Variants in EDA observed in about 807,000 individuals in gnomAD.
EDA encodes ectodysplasin A, also known as ectodysplasin-A.
In EDA, 2 loss-of-function variants were observed where a neutral mutation model predicts 23.6. The observed-to-expected ratio is 0.08, with a 90% CI of 0.03 to 0.27. The LOEUF (loss-of-function observed/expected upper bound fraction) is 0.27. EDA is among the 10% of genes least tolerant of loss of function. The pLI is 1.00. For missense variants in EDA, 229 were observed against 324.2 expected (o/e 0.71, Z 2.26); for synonymous variants, 131 against 132.0 (o/e 0.99, Z 0.05).
chrX:69,866,855 C>T (rs1451738438), intron 1 of EDA, among the ~76,000 whole-genome samples: 1 of 111,858 alleles, frequency 8.9e-6, no homozygotes, highest in African/African-American at 3.2e-5. Context: ...AAGTGAGTGC[C>T]TCGGTTAGAG....
chrX:69,882,318 G>A (rs1212388377), intron 1 of EDA, among the ~76,000 whole-genome samples: 1 of 111,675 alleles, frequency 9.0e-6, no homozygotes, highest in Non-Finnish European at 1.9e-5. Context: ...GCATGTAAGG[G>A]TTGATCAGTT....
Position 69,957,067 on chromosome X carries a change from A to G in EDA, c.437A>G (p.Tyr146Cys), listed in dbSNP as rs1482472157. 1 of 1,210,291 alleles carries G rather than the reference A, an allele frequency of 8.3e-7. No individual in the cohort carries two copies. The highest frequency in any genetic ancestry group is 1.7e-5 in the African/African-American group (1 of 57,379). The change falls in exon 2 of 8, where the codon TAC (tyrosine) becomes TGC (cysteine). Residue 146 changes from tyrosine (Y) to cysteine (C), a missense_variant. Physicochemically the swap from Tyr to Cys is radical, Grantham distance 194. Transcript: ENST00000374552. The stretch of plus-strand genomic sequence containing the variant: ...TTCTTCTTCCCTGATGAAAAGCCAT[A>G]CTCTGAAGAAGAAAGTAGGCGTGTT... ...LNFFFPDEKP[Y>C]SEEESRRVRR...
chrX:69,676,325 A>G (rs1934078782), intron 1 of EDA, among the ~76,000 whole-genome samples: 1 of 111,684 alleles, frequency 9.0e-6, no homozygotes, highest in African/African-American at 3.3e-5. Flanking sequence ...GCAGTAAGTT[A>G]GGTGAGAGCT....
chrX:69,788,822 A>C (rs1381953602), intron 1 of EDA, among the ~76,000 whole-genome samples: 1 of 111,951 alleles, frequency 8.9e-6, no homozygotes, highest in Non-Finnish European at 1.9e-5. Flanking sequence ...GGCTCCACCC[A>C]GTTCCAGCTT....
chrX:69,908,867 T>G (rs2018216550), intron 1 of EDA, among the ~76,000 whole-genome samples: 1 of 109,572 alleles, frequency 9.1e-6, no homozygotes, highest in Admixed American at 9.9e-5. Context: ...GTTTAATAAG[T>G]TAGTGAGCTC....
At chrX:69,768,391 G>T (rs1299274272) in intron 1 of EDA, among the ~76,000 whole-genome samples, 1 of 111,583 alleles carries the variant, frequency 9.0e-6, no homozygotes, top group African/African-American at 3.2e-5. Context: ...AAGTGCCAAG[G>T]TGTCTTTATT....
At chrX:69,944,579 GC>G (rs1421371822) in intron 1 of EDA, among the ~76,000 whole-genome samples, 5 of 111,289 alleles carry the variant, frequency 4.5e-5, no homozygotes, top group Non-Finnish European at 9.4e-5. Context: ...TTCTCCCCTC[GC>G]CTCTCCTCAA....
chrX:69,934,272 T>C (rs761537255), intron 1 of EDA, among the ~76,000 whole-genome samples: 1 of 112,341 alleles, frequency 8.9e-6, no homozygotes, highest in African/African-American at 3.2e-5. Context: ...AGAAGAACCT[T>C]CTGATTTTTT....
At chrX:69,954,006 G>A (rs1298499111) in intron 1 of EDA, among the ~76,000 whole-genome samples, 1 of 111,122 alleles carries the variant, frequency 9.0e-6, no homozygotes, top group Admixed American at 9.5e-5. Context: ...TCTTCAACCC[G>A]TATGCTTAAA....
chrX:69,943,516 C>T (rs753173059), intron 1 of EDA, among the ~76,000 whole-genome samples: 1 of 111,189 alleles, frequency 9.0e-6, no homozygotes, highest in Non-Finnish European at 1.9e-5. Flanking sequence ...CCTTACTTTC[C>T]CCCAAACAGA....
chrX:69,767,719 G>A (rs1396921461), intron 1 of EDA, among the ~76,000 whole-genome samples: 1 of 111,710 alleles, frequency 9.0e-6, no homozygotes, highest in African/African-American at 3.2e-5. Flanking sequence ...TTTATTCTTA[G>A]ATAAAAAGAC....
rs749668662 is a variant in EDA, at chrX:69,662,209, G to A, written c.396+45505G>A. ...TGAATTTTTAAGATTCTGCATATAA[G>A]TGATGTCATGTGATATGGTTTGGCT... On this transcript the variant is annotated intron_variant, in intron 1 of 7. Coordinates refer to ENST00000374552, the MANE Select transcript of EDA (RefSeq NM_001399.5). Among the ~76,000 whole-genome samples the A allele has an allele frequency of 1.3e-4, 15 of 111,726 alleles. No homozygotes were observed. The East Asian group carries it at 3.1e-3, about 23-fold the overall frequency.
intron 2 of EDA, among the ~76,000 whole-genome samples, chrX:70,016,432 A>G (rs2019951236): frequency 9.0e-6 from 1 of 111,494 alleles, no homozygotes; most frequent in African/African-American, 3.3e-5. Context: ...CCCAGAATAT[A>G]CATTCTTCTT....
At chrX:69,681,241 G>C (rs1161127953) in intron 1 of EDA, among the ~76,000 whole-genome samples, 2 of 110,325 alleles carry the variant, frequency 1.8e-5, no homozygotes, top group Admixed American at 1.9e-4. Flanking sequence ...CTTTCTCTCT[G>C]GTTGCCCTTA....
In EDA at chrX:69,842,841, C is replaced by T. The variant is rs1253786966; in HGVS notation, c.397-114186C>T. ...ACCTCCCCGACTCTCTCTCTCTTGC[C>T]CCTGCTCTGGCCACGTGAAACATCC... On this transcript the variant is annotated intron_variant, in intron 1 of 7. Coordinates refer to ENST00000374552, the MANE Select transcript of EDA (RefSeq NM_001399.5). 4.5e-5 allele frequency among the ~76,000 whole-genome samples: 5 copies of T among 111,234 alleles called. No individual in the cohort carries two copies. The Admixed American group carries it at 4.8e-4, about 11-fold the overall frequency.
At chrX:69,955,046 C>T (rs2018979800) in intron 1 of EDA, among the ~76,000 whole-genome samples, 1 of 112,129 alleles carries the variant, frequency 8.9e-6, no homozygotes, top group Non-Finnish European at 1.9e-5. Context: ...TTTCAGCACT[C>T]AAAGTTATCA....
chrX:69,861,115 C>G lies in EDA; in HGVS notation c.397-95912C>G, dbSNP rs1339643787. On this transcript the variant is annotated intron_variant, in intron 1 of 7. Coordinates refer to ENST00000374552, the MANE Select transcript of EDA (RefSeq NM_001399.5). ...ACCAAGGAAACTTCCAAAAGATGTA[C>G]TTCACAGAAGAAGAAAATGATCCCA... 2.9e-5 allele frequency: 11 copies of G among 373,735 alleles called. No individual in the cohort carries two copies. The South Asian group carries it at 5.3e-4, about 18-fold the overall frequency. 30.8% of individuals were successfully genotyped at this position (373,735 alleles called of 1,213,427 possible).
chrX:69,668,978 T>C (rs1933785214), intron 1 of EDA, among the ~76,000 whole-genome samples: 1 of 112,526 alleles, frequency 8.9e-6, no homozygotes, highest in South Asian at 3.6e-4. Flanking sequence ...TTTATAATTG[T>C]TATGTTTTCT....
chrX:69,884,896 C>T (rs761641554), intron 1 of EDA, among the ~76,000 whole-genome samples: 1 of 112,441 alleles, frequency 8.9e-6, no homozygotes, highest in South Asian at 3.7e-4. Context: ...AACTGCCAAA[C>T]TGTCTTCCAA....
Sources: allele counts gnomAD v4.1 joint callset (sites outside exome capture counted in the v4.1 genomes callset), GRCh38; gene constraint gnomAD v4.1.1; transcripts MANE v1.5; gene names NCBI Gene and HGNC (gene_info 2026-07-23, HGNC 2026-07-21).